The following SYNGR4 variants were observed in gnomAD, a reference collection of about 807,000 sequenced individuals.
SYNGR4 encodes the protein synaptogyrin 4.
A neutral mutation model predicts 15.5 loss-of-function variants in SYNGR4; 15 were observed. The ratio of observed to expected loss-of-function variants is 0.97; its 90% confidence interval spans 0.65 to 1.49. The LOEUF is 1.49. Ranked by LOEUF, SYNGR4 falls within the 40% of genes most tolerant of loss-of-function variation. The pLI is 0.00. For missense variants in SYNGR4, 292 were observed against 299.3 expected, an observed-to-expected ratio of 0.98 and a Z score of 0.18; for synonymous variants, 121 against 127.4, an observed-to-expected ratio of 0.95 and a Z score of 0.34.
At chr19:48,373,248 G>T (rs1468031949) in intron 2 of SYNGR4, 7 of 486,362 alleles carry the variant, frequency 1.4e-5, no homozygotes, top group Non-Finnish European at 3.8e-6. Context: ...CCATGGTGGA[G>T]ATGTGCTGAG....
chr19:48,365,881 C>T lies in SYNGR4; in HGVS notation c.39C>T (p.Ser13=), dbSNP rs760422577. The T allele has an allele frequency of 2.6e-5, 42 of 1,613,376 alleles. No individual in the cohort carries two copies. The Admixed American group carries it at 6.2e-4, about 24-fold the overall frequency. ...IPKSLQELAN[S]EAVQFLRRPK... is the part of the protein sequence containing the mutation. ...AAAGCCTCCAGGAGCTGGCCAACAG[C>T]GAAGCCGTGCAGTTTCTGAGAAGGC... The change falls in exon 2 of 5, where the codon AGC becomes AGT. Residue 13 remains serine, a synonymous_variant. Coordinates refer to ENST00000344846, the MANE Select transcript of SYNGR4 (RefSeq NM_012451.4).
chr19:48,368,455 A>G (rs1267480204), intron 2 of SYNGR4, among the ~76,000 whole-genome samples: 1 of 151,486 alleles, frequency 6.6e-6, no homozygotes, highest in Non-Finnish European at 1.5e-5. Flanking sequence ...GTGCAGTCTC[A>G]GCTCACTGCA....
chr19:48,372,243 A>T (rs945804163), intron 2 of SYNGR4, among the ~76,000 whole-genome samples: 3 of 152,046 alleles, frequency 2.0e-5, no homozygotes, highest in Non-Finnish European at 4.4e-5. Flanking sequence ...CAGTTCCATT[A>T]TCTGAAACAC....
At chr19:48,366,091 C>G (rs970116350) in intron 2 of SYNGR4, among the ~76,000 whole-genome samples, 156 bp downstream of exon 2, 1 of 152,140 alleles carries the variant, frequency 6.6e-6, no homozygotes, top group African/African-American at 2.4e-5. Flanking sequence ...TCCTGAGCAC[C>G]CCACTATAGG....
At chr19:48,366,033 G>A (rs1970215529) in intron 2 of SYNGR4, 98 bp downstream of exon 2, 1 of 1,279,574 alleles carries the variant, frequency 7.8e-7, no homozygotes. Context: ...ACAAGGAAGG[G>A]GTCAGACGGG....
In SYNGR4 at chr19:48,373,498, G is replaced by A; in HGVS notation, c.94-19G>A. The A allele has an allele frequency of 6.2e-7, 1 of 1,605,902 alleles. No individual in the cohort carries two copies. Among genetic ancestry groups the A allele is most frequent in the Non-Finnish European group, 8.5e-7 (1 of 1,173,854 alleles). On this transcript the variant is annotated intron_variant, in intron 2 of 4. Coordinates refer to ENST00000344846, the MANE Select transcript of SYNGR4 (RefSeq NM_012451.4). ...TCAGGGAGAGACTGAGCTCTTCTCT[G>A]GCCCCTGGAAATCCACAGGTCTTCT...
At chr19:48,373,905 C>T in intron 3 of SYNGR4, 151 bp downstream of exon 3, 1 of 725,870 alleles carries the variant, frequency 1.4e-6, no homozygotes, top group Non-Finnish European at 2.3e-6. Context: ...CCACAAGTGG[C>T]CCAGAGCTTC....
chr19:48,368,128 G>A (rs191054437), intron 2 of SYNGR4, among the ~76,000 whole-genome samples: 9 of 152,324 alleles, frequency 5.9e-5, no homozygotes, highest in African/African-American at 2.2e-4. Flanking sequence ...CAGGCCTGAT[G>A]TCCTTACCAG....
At chr19:48,374,076 C>CTTT (rs946583656) in intron 3 of SYNGR4, among the ~76,000 whole-genome samples, 89 of 132,736 alleles carry the variant, frequency 6.7e-4, no homozygotes, top group African/African-American at 1.8e-3. Context: ...GAAAATCTCT[C>CTTT]TTTTTTTTTT....
At chr19:48,372,497 A>C (rs1970324383) in intron 2 of SYNGR4, among the ~76,000 whole-genome samples, 1 of 151,950 alleles carries the variant, frequency 6.6e-6, no homozygotes, top group Non-Finnish European at 1.5e-5. Flanking sequence ...TACAAAAAAA[A>C]AAAATAGCCA....
intron 2 of SYNGR4, 75 bp from the exon 3 acceptor site, chr19:48,373,442 C>G: frequency 7.7e-7 from 1 of 1,303,610 alleles, no homozygotes; most frequent in Non-Finnish European, 1.1e-6. Flanking sequence ...ACGGAAAGAC[C>G]GACAGCACCA....
At chr19:48,367,551 G>C (rs919455659) in intron 2 of SYNGR4, among the ~76,000 whole-genome samples, 3 of 152,156 alleles carry the variant, frequency 2.0e-5, no homozygotes, top group Non-Finnish European at 4.4e-5. Context: ...ACTCAGATCT[G>C]TGAGATGCCA....
rs911718544 is a variant in SYNGR4, at chr19:48,376,344, G to C, written c.*26G>C. ...ATATCCTTATCCAAATCAATAAAGA[G>C]AGAATCCTCCCTCCAGAAGGGTTTC... is the stretch of plus-strand genomic sequence containing the variant. On this transcript the variant is annotated 3_prime_UTR_variant, in exon 5 of 5. Transcript: ENST00000344846. The C allele has an allele frequency of 2.5e-6, 4 of 1,609,362 alleles. No homozygotes were observed. Among genetic ancestry groups the C allele is most frequent in the Non-Finnish European group, 3.4e-6 (4 of 1,178,358 alleles).
chr19:48,373,243 G>A (rs1970338132), intron 2 of SYNGR4: 11 of 475,764 alleles, frequency 2.3e-5, no homozygotes, highest in Non-Finnish European at 7.8e-6. Flanking sequence ...TGGGGCCATG[G>A]TGGAGATGTG....
At chr19:48,375,516 G>A (rs1440378365) in intron 3 of SYNGR4, 97 bp from the exon 4 acceptor site, 29 of 1,474,708 alleles carry the variant, frequency 2.0e-5, no homozygotes, top group Middle Eastern at 2.0e-4. Context: ...GTGGAAGTTC[G>A]TGCAGCAAGA....
chr19:48,374,848 TG>T (rs1162102294), intron 3 of SYNGR4, among the ~76,000 whole-genome samples: 1 of 151,406 alleles, frequency 6.6e-6, no homozygotes, highest in African/African-American at 2.4e-5. Context: ...GGGAGGCGAG[TG>T]CCTGTAGTCC....
chr19:48,367,545 A>G lies in SYNGR4; in HGVS notation c.93+1610A>G, dbSNP rs556787318. Among the ~76,000 whole-genome samples, 54 of 152,232 alleles carry G rather than the reference A, an allele frequency of 3.5e-4. No homozygotes were observed. In the South Asian group the frequency reaches 0.011, roughly 31 times the overall value. ...ACAGGCAGGGGCAGGATTCAAACTC[A>G]GATCTGTGAGATGCCAGAGCCCATT... On this transcript the variant is annotated intron_variant, in intron 2 of 4. Transcript: ENST00000344846.
chr19:48,369,470 G>A (rs1043274849), intron 2 of SYNGR4, among the ~76,000 whole-genome samples: 2 of 152,116 alleles, frequency 1.3e-5, no homozygotes, highest in African/African-American at 4.8e-5. Flanking sequence ...GACCTTGAGA[G>A]GACGCCTTCC....
In SYNGR4 at chr19:48,375,025, AT is replaced by A. The variant is rs377458221; in HGVS notation, c.332-570del. Among the ~76,000 whole-genome samples the A allele has an allele frequency of 9.4e-3, 1,219 of 129,456 alleles. 15 individuals carry two copies. The highest frequency in any genetic ancestry group is 0.026 in the African/African-American group (888 of 34,562). The allele number at this position is 129,456 out of a possible 152,430, so 84.9% of individuals were successfully genotyped here. A position where few individuals can be genotyped will look rare whatever the true frequency, so the allele number is the denominator to read the frequency against. Reference sequence around the variant, plus strand: ...AATGTGGCCAGTGCAGCTGAGAAACATTTTTTTTTTTTTTTTTTGAGACAGA... The same window carrying A: ...AATGTGGCCAGTGCAGCTGAGAAACATTTTTTTTTTTTTTTTTGAGACAGA... On this transcript the variant is annotated intron_variant, in intron 3 of 4. Transcript: ENST00000344846.
Sources: gnomAD v4.1 joint callset for allele counts (sites outside exome capture counted in the v4.1 genomes callset) on GRCh38, gnomAD v4.1.1 for gene constraint, MANE v1.5 for transcripts, NCBI Gene and HGNC (gene_info 2026-07-23, HGNC 2026-07-21) for gene names.